The following SPMAP2L variants were observed in gnomAD, a reference collection of about 807,000 sequenced individuals.
SPMAP2L encodes the protein sperm microtubule associated protein 2 like, also known as sperm microtubule associated protein 2-like.
chr4:56,600,002 A>G, the SPMAP2L span, among the ~76,000 whole-genome samples: 1 of 152,062 alleles, frequency 6.6e-6, no homozygotes, highest in Admixed American at 6.5e-5. Flanking sequence ...AAAAGTCAGG[A>G]AACAACAGAT....
At chr4:56,534,790 G>T in the SPMAP2L span, among the ~76,000 whole-genome samples, 2 of 152,232 alleles carry the variant, frequency 1.3e-5, no homozygotes, top group East Asian at 3.9e-4. Context: ...ATAGCTAGGC[G>T]TGGTGGCGCA....
At chr4:56,587,105 G>C in the SPMAP2L span, among the ~76,000 whole-genome samples, 1 of 151,992 alleles carries the variant, frequency 6.6e-6, no homozygotes, top group East Asian at 1.9e-4. Context: ...ATAATTCCAG[G>C]AGTTTTTAAC....
At chr4:56,594,827 G>A in the SPMAP2L span, 71 of 1,582,488 alleles carry the variant, frequency 4.5e-5, no homozygotes, top group African/African-American at 9.3e-4. Flanking sequence ...TGGAGGATAG[G>A]TCTACCTAGA....
the SPMAP2L span, among the ~76,000 whole-genome samples, chr4:56,622,217 AGGATAGATTCTT>A: frequency 1.3e-5 from 2 of 152,270 alleles, no homozygotes; most frequent in Non-Finnish European, 2.9e-5. Flanking sequence ...AGACTGCTGC[AGGATAGATTCTT>A]GGGGAAATCT....
At chr4:56,605,632 A>G in the SPMAP2L span, among the ~76,000 whole-genome samples, 1 of 152,290 alleles carries the variant, frequency 6.6e-6, no homozygotes, top group East Asian at 1.9e-4. Flanking sequence ...CTAGCTAGGA[A>G]AGCTGGGCAA....
At chr4:56,609,773 A>G in the SPMAP2L span, among the ~76,000 whole-genome samples, 2 of 152,228 alleles carry the variant, frequency 1.3e-5, no homozygotes, top group South Asian at 2.1e-4. Flanking sequence ...GTGAAGATGC[A>G]GCAAGAAGGT....
chr4:56,623,103 G>A, the SPMAP2L span, among the ~76,000 whole-genome samples: 1 of 152,114 alleles, frequency 6.6e-6, no homozygotes, highest in Non-Finnish European at 1.5e-5. Flanking sequence ...AGCCTGCCCA[G>A]GATGCAGGAG....
the SPMAP2L span, among the ~76,000 whole-genome samples, chr4:56,543,929 T>TGAGA: frequency 6.2e-4 from 81 of 131,430 alleles, 1 homozygote; most frequent in African/African-American, 1.8e-3. Context: ...TGTGTGTATG[T>TGAGA]GAGAGAGAGA....
At chr4:56,557,631 C>T in the SPMAP2L span, 9 of 152,124 alleles carry the variant, frequency 5.9e-5, no homozygotes, top group Non-Finnish European at 1.0e-4. Context: ...TTTAGCTGTG[C>T]AGAATGGGGT....
the SPMAP2L span, among the ~76,000 whole-genome samples, chr4:56,570,001 T>C: frequency 6.6e-6 from 1 of 152,226 alleles, no homozygotes; most frequent in Non-Finnish European, 1.5e-5. Flanking sequence ...GTATATATAC[T>C]GTGATCCTAC....
the SPMAP2L span, among the ~76,000 whole-genome samples, chr4:56,579,304 G>A: frequency 1.2e-4 from 19 of 152,050 alleles, no homozygotes; most frequent in Non-Finnish European, 2.1e-4. Flanking sequence ...GATAGCAGAA[G>A]GAAATTTAGA....
At chr4:56,625,986 T>C in the SPMAP2L span, among the ~76,000 whole-genome samples, 1 of 152,152 alleles carries the variant, frequency 6.6e-6, no homozygotes, top group Admixed American at 6.5e-5. Context: ...GCCACACTGG[T>C]CCCTGCTGCT....
At chr4:56,531,131 C>T in the SPMAP2L span, 7 of 1,534,710 alleles carry the variant, frequency 4.6e-6, no homozygotes, top group Middle Eastern at 1.7e-4. Flanking sequence ...TCTCTGATCA[C>T]CAGAGCCCCG....
At chr4:56,596,725 G>A in the SPMAP2L span, 1 of 1,267,212 alleles carries the variant, frequency 7.9e-7, no homozygotes, top group Non-Finnish European at 1.0e-6. Context: ...AAAGTCACTG[G>A]AAAAGAGAAT....
the SPMAP2L span, among the ~76,000 whole-genome samples, chr4:56,553,014 G>T: frequency 1.3e-5 from 2 of 151,848 alleles, no homozygotes; most frequent in South Asian, 2.1e-4. Flanking sequence ...TATCTCTAAG[G>T]CTCCTATCAC....
the SPMAP2L span, among the ~76,000 whole-genome samples, chr4:56,558,098 A>G: frequency 6.6e-6 from 1 of 151,934 alleles, no homozygotes; most frequent in African/African-American, 2.4e-5. Context: ...CCTCCCAAGT[A>G]GCTGGGATTA....
At chr4:56,589,255 C>T in the SPMAP2L span, among the ~76,000 whole-genome samples, 55 of 152,286 alleles carry the variant, frequency 3.6e-4, no homozygotes, top group Non-Finnish European at 6.5e-4. Context: ...TCCCAAAGTG[C>T]TGGGATTACA....
chr4:56,537,807 T>C, the SPMAP2L span, among the ~76,000 whole-genome samples: 144 of 151,174 alleles, frequency 9.5e-4, no homozygotes, highest in Non-Finnish European at 1.6e-3. Context: ...ATTCTCCTGC[T>C]TCAGCCTCCC....
chr4:56,619,605 T>C, the SPMAP2L span, among the ~76,000 whole-genome samples: 1 of 152,248 alleles, frequency 6.6e-6, no homozygotes, highest in Admixed American at 6.5e-5. Flanking sequence ...TTCTGTTGTG[T>C]ATATATACCA....
Sources: gnomAD v4.1 joint callset for allele counts (sites outside exome capture counted in the v4.1 genomes callset) on GRCh38, gnomAD v4.1.1 for gene constraint, MANE v1.5 for transcripts, NCBI Gene and HGNC (gene_info 2026-07-23, HGNC 2026-07-21) for gene names.